GPR137B: variants seen among roughly 807,000 people sequenced by gnomAD.
The protein encoded by GPR137B is integral membrane protein GPR137B.
Under a neutral mutation model 42.5 loss-of-function variants are expected in GPR137B, and 42 were observed. The observed-to-expected ratio is 0.99, with a 90% CI of 0.77 to 1.28. GPR137B has a LOEUF of 1.28. GPR137B is among the 50% of genes most tolerant of loss of function. The probability of loss-of-function intolerance (pLI) is 0.00; values close to 1 mark genes in which losing one functional copy is unlikely to be tolerated. For missense variants in GPR137B, 487 were observed against 493.9 expected (o/e 0.99, Z 0.13); for synonymous variants, 218 against 209.7 (o/e 1.04, Z -0.34).
intron 2 of GPR137B, among the ~76,000 whole-genome samples, chr1:236,172,276 C>T (rs1200110368): frequency 6.6e-6 from 1 of 152,192 alleles, no homozygotes; most frequent in Non-Finnish European, 1.5e-5. Flanking sequence ...CACAATCTCT[C>T]CCTTGAGATG....
rs924912599 is a variant in GPR137B at position 236,150,582 on chromosome 1, A to G, written c.414+7546A>G. On this transcript the variant is annotated intron_variant, in intron 1 of 6. Coordinates refer to ENST00000366592, the MANE Select transcript of GPR137B (RefSeq NM_003272.4). The surrounding 1 kb of genome is among the most constrained non-coding windows in gnomAD (Gnocchi z 6.2). Reference sequence around the variant, plus strand: ...CACTCGGGGAACAATTAGGCCCCTCACAGCACATTCAGCATCCAACCCCAG... The same window carrying G: ...CACTCGGGGAACAATTAGGCCCCTCGCAGCACATTCAGCATCCAACCCCAG... Among the ~76,000 whole-genome samples the G allele has an allele frequency of 1.3e-5, 2 of 152,096 alleles. No individual in the cohort carries two copies. The highest frequency in any genetic ancestry group is 4.8e-5 in the African/African-American group (2 of 41,416).
chr1:236,143,065 C>T, intron 1 of GPR137B, 29 bp downstream of exon 1: 1 of 1,573,254 alleles, frequency 6.4e-7, no homozygotes, highest in South Asian at 1.2e-5. Flanking sequence ...CCTGGAGGCG[C>T]TCACCTGGCG....
At chr1:236,145,395 G>A (rs1661654751) in intron 1 of GPR137B, among the ~76,000 whole-genome samples, 1 of 152,216 alleles carries the variant, frequency 6.6e-6, no homozygotes, top group Non-Finnish European at 1.5e-5. Flanking sequence ...TAACAATTAA[G>A]AAGTATGTTT....
intron 1 of GPR137B, among the ~76,000 whole-genome samples, chr1:236,165,337 G>C (rs1036917919): frequency 6.6e-6 from 1 of 152,224 alleles, no homozygotes; most frequent in Non-Finnish European, 1.5e-5. Context: ...TTTAACATCA[G>C]ATTGTGCCTT....
At chr1:236,176,720 G>T (rs1442883828) in intron 2 of GPR137B, among the ~76,000 whole-genome samples, 1 of 152,002 alleles carries the variant, frequency 6.6e-6, no homozygotes, top group African/African-American at 2.4e-5. Flanking sequence ...GATAGCTGAC[G>T]TCATGCTTTT....
chr1:236,163,153 T>C (rs1015899409), intron 1 of GPR137B, among the ~76,000 whole-genome samples: 1 of 152,172 alleles, frequency 6.6e-6, no homozygotes, highest in Non-Finnish European at 1.5e-5. Flanking sequence ...GGAGATCATA[T>C]TGGAGCTTTA....
chr1:236,176,513 C>T (rs571246479), intron 2 of GPR137B, among the ~76,000 whole-genome samples: 5 of 152,150 alleles, frequency 3.3e-5, no homozygotes, highest in African/African-American at 1.2e-4. Flanking sequence ...GCCTCATCTT[C>T]ATCCCACTCT....
intron 1 of GPR137B, among the ~76,000 whole-genome samples, chr1:236,163,151 T>C (rs1013011388): frequency 5.3e-5 from 8 of 152,194 alleles, no homozygotes; most frequent in Non-Finnish European, 1.0e-4. Context: ...AAGGAGATCA[T>C]ATTGGAGCTT....
rs1022121799 is a variant in GPR137B, at chr1:236,155,479, C to T, written c.414+12443C>T. The stretch of plus-strand genomic sequence containing the variant: ...GAAAAGCAGGGAGACTGAAGGACGG[C>T]GTTTGGTGTGGCTTTAGGTTGACTT... On this transcript the variant is annotated intron_variant, in intron 1 of 6. Coordinates refer to ENST00000366592, the MANE Select transcript of GPR137B (RefSeq NM_003272.4). The surrounding 1 kb of genome is among the most constrained non-coding windows in gnomAD (Gnocchi z 4.6). Among the ~76,000 whole-genome samples the T allele has an allele frequency of 1.3e-5, 2 of 152,084 alleles. No individual in the cohort carries two copies. The highest frequency in any genetic ancestry group is 2.4e-5 in the African/African-American group (1 of 41,410).
At chr1:236,161,945 G>C (rs1662216696) in intron 1 of GPR137B, among the ~76,000 whole-genome samples, 1 of 152,158 alleles carries the variant, frequency 6.6e-6, no homozygotes, top group African/African-American at 2.4e-5. Flanking sequence ...GGGTGTTGCT[G>C]AAAAGATACC....
rs1319114159 is a variant in GPR137B at position 236,171,506 on chromosome 1, G to A, written c.464+2751G>A. Among the ~76,000 whole-genome samples the A allele has an allele frequency of 6.6e-6, 1 of 152,156 alleles. No individual in the cohort carries two copies. The highest frequency in any genetic ancestry group is 1.5e-5 in the Non-Finnish European group (1 of 68,026). ...CTGGGGTAATTAGATGTCTTCTAGA[G>A]GTGGAATATAAAAGCACTGGTCAGA... On this transcript the variant is annotated intron_variant, in intron 2 of 6. Transcript: ENST00000366592. This position sits in a 1 kb window ranked among gnomAD's most constrained non-coding sequence, Gnocchi z 4.4.
rs1391494687 is a variant in GPR137B, at chr1:236,142,843, G to A, written c.221G>A (p.Arg74Gln). 6 of 1,614,090 alleles carry A rather than the reference G, an allele frequency of 3.7e-6. No homozygotes were observed. In the East Asian group the frequency reaches 1.1e-4, roughly 30 times the overall value. ...LWLVLRYRHK[R>Q]LSYQSVFLFL... ...CTGGTGCTGCGTTACCGCCACAAGC[G>A]GCTCAGCTACCAGAGCGTCTTCCTC... is the stretch of plus-strand genomic sequence containing the variant. The change falls in exon 1 of 7, where the codon CGG becomes CAG. Residue 74 changes from arginine (R) to glutamine (Q), a missense_variant. Coordinates refer to ENST00000366592, the MANE Select transcript of GPR137B (RefSeq NM_003272.4).
chr1:236,190,275 C>T, intron 5 of GPR137B, among the ~76,000 whole-genome samples: 1 of 130,202 alleles, frequency 7.7e-6, no homozygotes, highest in African/African-American at 3.1e-5. Context: ...TGGGTCTTGA[C>T]TCTTTATCCA....
In GPR137B at chr1:236,142,951, G is replaced by T. The variant is rs765168005; in HGVS notation, c.329G>T (p.Ser110Ile). 1.2e-5 allele frequency: 20 copies of T among 1,614,050 alleles called. No homozygotes were observed. Among genetic ancestry groups the T allele is most frequent in the Admixed American group, 1.7e-5 (1 of 60,008 alleles). ...FKDFVAANSL[S>I]PFVFWLLYCF... The stretch of plus-strand genomic sequence containing the variant: ...GACTTCGTGGCGGCCAATTCGCTCA[G>T]CCCCTTCGTCTTCTGGCTGCTCTAC... Residue 110 changes from serine to isoleucine, a missense_variant, in exon 1 of 7, where the codon AGC becomes ATC. Transcript: ENST00000366592.
chr1:236,178,657 G>A, intron 3 of GPR137B, 21 bp downstream of exon 3: 1 of 1,409,846 alleles, frequency 7.1e-7, no homozygotes, highest in East Asian at 2.3e-5. Flanking sequence ...ATGTGGTCAA[G>A]ATCCCTCCCA....
At position 236,173,378 on chromosome 1, in the gene GPR137B, AAG is replaced by A. The variant is rs1245872326; in HGVS notation, c.464+4629_464+4630del. On this transcript the variant is annotated intron_variant, in intron 2 of 6. Transcript: ENST00000366592. ...AGAAAGGAAGAAACGAAGGAAGGGA[AAG>A]AGAGAAAGACAGGTAGGGAAAGAGA... 5.7e-4 allele frequency among the ~76,000 whole-genome samples: 84 copies of A among 147,670 alleles called. 2 individuals are homozygous for A. The highest frequency in any genetic ancestry group is 4.1e-3 in the Admixed American group (61 of 14,752).
chr1:236,201,261 G>T (rs1663484461), intron 5 of GPR137B, among the ~76,000 whole-genome samples: 1 of 151,952 alleles, frequency 6.6e-6, no homozygotes, highest in Admixed American at 6.6e-5. Context: ...GACTGTGCCT[G>T]ATCATCTTTT....
At chr1:236,146,894 C>T (rs907079501) in intron 1 of GPR137B, among the ~76,000 whole-genome samples, 20 of 152,210 alleles carry the variant, frequency 1.3e-4, no homozygotes, top group Non-Finnish European at 1.8e-4. Context: ...CTGCAACCTC[C>T]GCCTCCCAGA....
intron 2 of GPR137B, among the ~76,000 whole-genome samples, chr1:236,169,228 A>ACAGGTACAGGTG (rs1662458313): frequency 1.6e-5 from 2 of 126,520 alleles, no homozygotes; most frequent in Non-Finnish European, 3.0e-5. Flanking sequence ...AGGTACAGGT[A>ACAGGTACAGGTG]CAGGTGCAGG....
Sources: allele counts gnomAD v4.1 joint callset (sites outside exome capture counted in the v4.1 genomes callset), GRCh38; gene constraint gnomAD v4.1.1; non-coding constraint Gnocchi (gnomAD v3.1); transcripts MANE v1.5; gene names NCBI Gene and HGNC (gene_info 2026-07-23, HGNC 2026-07-21).